The following AHNAK variants were observed in gnomAD, a reference collection of about 807,000 sequenced individuals.
AHNAK encodes AHNAK nucleoprotein.
A neutral mutation model predicts 37.8 loss-of-function variants in AHNAK; 23 were observed. The ratio of observed to expected loss-of-function variants is 0.61; its 90% CI spans 0.44 to 0.86. AHNAK has a LOEUF of 0.86. AHNAK is among the 40% of genes least tolerant of loss of function. The pLI, the probability that AHNAK is intolerant of heterozygous loss-of-function variation, is 0.00. For synonymous variants in AHNAK, 2,481 were observed against 2,636.3 expected, an observed-to-expected ratio of 0.94 and a Z score of 1.80; for missense variants, 7,411 against 7,319.4, an observed-to-expected ratio of 1.01 and a Z score of -0.46.
intron 5 of AHNAK, among the ~76,000 whole-genome samples, chr11:62,483,716 A>G (rs113978388): frequency 0.011 from 1,634 of 152,220 alleles, 38 homozygotes; most frequent in African/African-American, 0.038. Context: ...AAAAATAGCC[A>G]GGCGTGGTGG....
At chr11:62,507,654 G>T (rs1160797354) in intron 4 of AHNAK, among the ~76,000 whole-genome samples, 1 of 152,258 alleles carries the variant, frequency 6.6e-6, no homozygotes, top group East Asian at 1.9e-4. Context: ...AGCTGGGCGT[G>T]GTGGGCACGC....
intron 4 of AHNAK, among the ~76,000 whole-genome samples, 153 bp from the exon 5 acceptor site, chr11:62,534,227 G>C (rs191590440): frequency 2.8e-4 from 42 of 152,360 alleles, no homozygotes; most frequent in African/African-American, 7.9e-4. Context: ...ACAGCACAGG[G>C]GAGTGAAGAA....
intron 5 of AHNAK, among the ~76,000 whole-genome samples, chr11:62,442,984 T>C (rs1478883222): frequency 2.0e-5 from 3 of 151,990 alleles, no homozygotes; most frequent in Admixed American, 6.6e-5. Context: ...TCTTTCTTTT[T>C]TTTTTGAGAC....
intron 1 of AHNAK, among the ~76,000 whole-genome samples, chr11:62,541,339 G>C (rs1010017392): frequency 6.6e-6 from 1 of 152,178 alleles, no homozygotes; most frequent in Non-Finnish European, 1.5e-5. Flanking sequence ...TGAAACTTCC[G>C]CCCAGCATGG....
intron 4 of AHNAK, among the ~76,000 whole-genome samples, chr11:62,509,647 C>T (rs1353925026): frequency 6.6e-6 from 1 of 151,734 alleles, no homozygotes; most frequent in Non-Finnish European, 1.5e-5. Flanking sequence ...ACATTGTCGC[C>T]GGGCATGGTC....
At chr11:62,451,279 C>T (rs1242184000) in intron 5 of AHNAK, among the ~76,000 whole-genome samples, 3 of 150,806 alleles carry the variant, frequency 2.0e-5, no homozygotes, top group African/African-American at 7.3e-5. Context: ...AGAGAAAGGC[C>T]CTCCTCCAGC....
rs537813230 is a variant in AHNAK at position 62,519,522 on chromosome 11, G to C, written c.14895C>G (p.Ile4965Met). The C allele has an allele frequency of 1.2e-6, 2 of 1,612,882 alleles. No homozygotes were observed. The highest frequency in any genetic ancestry group is 2.2e-5 in the South Asian group (2 of 90,750). Reference sequence around the variant, plus strand: ...TGGGGATTTTAACATCTGGCCCTTCGATGTTAATATCTGGGCTGTCCATGT... The same window carrying C: ...TGGGGATTTTAACATCTGGCCCTTCCATGTTAATATCTGGGCTGTCCATGT... ...DVHMDSPDIN[I>M]EGPDVKIPKF... The change falls in exon 5 of 5, where the codon ATC (isoleucine) becomes ATG (methionine). Residue 4965 changes from isoleucine (I) to methionine (M), a missense_variant. Coordinates refer to ENST00000378024, the MANE Select transcript of AHNAK (RefSeq NM_001620.3).
chr11:62,444,522 C>A (rs1410526105), intron 5 of AHNAK, among the ~76,000 whole-genome samples: 1 of 152,260 alleles, frequency 6.6e-6, no homozygotes, highest in African/African-American at 2.4e-5. Flanking sequence ...TGACAGCGTG[C>A]CCCGCCCGGC....
intron 5 of AHNAK, among the ~76,000 whole-genome samples, chr11:62,447,769 A>G (rs1160976006): frequency 7.2e-6 from 1 of 138,004 alleles, no homozygotes; most frequent in East Asian, 1.9e-4. Flanking sequence ...TGGACCTCTG[A>G]AGTTCATGCC....
Position 62,533,758 on chromosome 11 carries a change from G to C in AHNAK, c.659C>G (p.Ser220Cys). ...GGCCCCTGCTCGGATATCCACAGCA[G>C]AGCCTGTCGGAGAGGCTGCCCCCGA... ...SGSGAASPTGSAVDIRAGAIS... is the reference protein window; with the variant it reads ...SGSGAASPTGCAVDIRAGAIS... Residue 220 changes from serine to cysteine, a missense_variant, in exon 5 of 5, where the codon TCT (serine) becomes TGT (cysteine). By Grantham distance (112) the Ser-to-Cys change is moderately radical. Transcript: ENST00000378024. 3.1e-6 allele frequency: 5 copies of C among 1,614,172 alleles called. No individual in the cohort carries two copies. Among genetic ancestry groups the C allele is most frequent in the Non-Finnish European group, 4.2e-6 (5 of 1,180,040 alleles).
chr11:62,533,909 C>T lies in AHNAK; in HGVS notation c.508G>A (p.Ala170Thr), dbSNP rs773157545. The T allele has an allele frequency of 3.1e-6, 5 of 1,614,138 alleles. No homozygotes were observed. Among genetic ancestry groups the T allele is most frequent in the East Asian group, 2.2e-5 (1 of 44,882 alleles). Reference protein sequence around the residue: ...YTVDVTGREGAKDIDISSPEF... With the variant: ...YTVDVTGREGTKDIDISSPEF... ...GGGCTACTGATGTCTATGTCCTTGG[C>T]TCCTTCCCGGCCAGTCACATCCACA... The change falls in exon 5 of 5, where the codon GCC (alanine) becomes ACC (threonine). Residue 170 changes from alanine (A) to threonine (T), a missense_variant. Transcript: ENST00000378024.
At chr11:62,454,034 G>A (rs1938597271) in intron 5 of AHNAK, among the ~76,000 whole-genome samples, 2 of 151,934 alleles carry the variant, frequency 1.3e-5, no homozygotes, top group South Asian at 4.2e-4. Context: ...TTGAACCCGG[G>A]AGGCGGAGGT....
At chr11:62,454,015 G>A (rs1938596517) in intron 5 of AHNAK, among the ~76,000 whole-genome samples, 1 of 151,998 alleles carries the variant, frequency 6.6e-6, no homozygotes, top group Admixed American at 6.6e-5. Flanking sequence ...GCTGAGGCAG[G>A]AGAATCTGTT....
rs1181203697 is a variant in AHNAK, at chr11:62,527,009, C to T, written c.7408G>A (p.Asp2470Asn). The change falls in exon 5 of 5, where the codon GAT (aspartate) becomes AAT (asparagine). Residue 2470 changes from aspartate (D) to asparagine (N), a missense_variant. Physicochemically the swap from Asp to Asn is conservative, Grantham distance 23. Transcript: ENST00000378024. ...ACCTCAGGCACAGACACATCCACATCCCCCTTGATTTTGGGTCCTTTGAGA... is the reference window on the plus strand; with the variant it reads ...ACCTCAGGCACAGACACATCCACATTCCCCTTGATTTTGGGTCCTTTGAGA... Reference protein sequence around the residue: ...LNLKGPKIKGDVDVSVPEVEG... With the variant: ...LNLKGPKIKGNVDVSVPEVEG... 6 of 1,613,946 alleles carry T rather than the reference C, an allele frequency of 3.7e-6. No homozygotes were observed. Among genetic ancestry groups the T allele is most frequent in the Admixed American group, 1.7e-5 (1 of 60,010 alleles).
At position 62,527,447 on chromosome 11, in the gene AHNAK, G is replaced by A. The variant is rs772434841; in HGVS notation, c.6970C>T (p.Pro2324Ser). The stretch of plus-strand genomic sequence containing the variant: ...ACATCAACATCTCCTTTGATTTTGG[G>A]TCCCTTTAAATTGAAATCAACATCA... ...MPDVDFNLKGPKIKGDVDVSA... is the reference protein window; with the variant it reads ...MPDVDFNLKGSKIKGDVDVSA... The change falls in exon 5 of 5, where the codon CCC becomes TCC. Residue 2324 changes from proline (P) to serine (S), a missense_variant. Transcript: ENST00000378024. 1 of 1,614,110 alleles carries A rather than the reference G, an allele frequency of 6.2e-7. No homozygotes were observed. The highest frequency in any genetic ancestry group is 1.3e-5 in the African/African-American group (1 of 75,018).
At chr11:62,479,167 C>CTTTTTTTTTTTTTTTTT (rs33929407) in intron 5 of AHNAK, among the ~76,000 whole-genome samples, 49 of 116,214 alleles carry the variant, frequency 4.2e-4, no homozygotes, top group Middle Eastern at 5.1e-3. Flanking sequence ...TTTCTTTTTT[C>CTTTTTTTTTTTTTTTTT]TTTTTTTTTT....
At chr11:62,490,250 A>G (rs12291022) in intron 5 of AHNAK, among the ~76,000 whole-genome samples, 20,463 of 132,610 alleles carry the variant, frequency 0.15, 3,600 homozygotes, top group African/African-American at 0.45. Flanking sequence ...CACCCAGGCT[A>G]GAGTGCAGTG....
chr11:62,508,985 A>G (rs935460281), intron 4 of AHNAK, among the ~76,000 whole-genome samples: 5 of 152,174 alleles, frequency 3.3e-5, no homozygotes, highest in African/African-American at 9.7e-5. Context: ...GTTAATTCCA[A>G]TGAGGAGTCA....
chr11:62,473,944 G>A (rs1306882271), intron 5 of AHNAK, among the ~76,000 whole-genome samples: 2 of 148,982 alleles, frequency 1.3e-5, no homozygotes, highest in Admixed American at 6.6e-5. Context: ...AGGCTGCAGT[G>A]AGCCATGATC....
Sources: gnomAD v4.1 joint callset for allele counts (sites outside exome capture counted in the v4.1 genomes callset) on GRCh38, gnomAD v4.1.1 for gene constraint, MANE v1.5 for transcripts, NCBI Gene and HGNC (gene_info 2026-07-23, HGNC 2026-07-21) for gene names.